Variants in SUN1 observed in about 807,000 individuals in gnomAD.
The protein encoded by SUN1 is Sad1 and UNC84 domain containing 1, also known as SUN domain-containing protein 1.
A neutral mutation model predicts 103.2 loss-of-function variants in SUN1; 61 were observed. The ratio of observed to expected loss-of-function variants is 0.59; its 90% CI spans 0.48 to 0.73. The LOEUF (loss-of-function observed/expected upper bound fraction) is 0.73. Ranked by LOEUF, SUN1 falls within the 30% of genes least tolerant of loss-of-function variation. The pLI is 0.00. For missense variants in SUN1, 1,052 were observed against 1,034.6 expected (o/e 1.02, Z -0.23); for synonymous variants, 490 against 425.7 (o/e 1.15, Z -1.86).
chr7:825,148 T>A (rs1388219359), intron 1 of SUN1, among the ~76,000 whole-genome samples: 2 of 151,902 alleles, frequency 1.3e-5, no homozygotes, highest in African/African-American at 4.8e-5. Flanking sequence ...AAGCTCCACC[T>A]CCCGGGTTCA....
In SUN1 at chr7:852,831, A is replaced by C. The variant is rs373407857; in HGVS notation, c.932A>C (p.Gln311Pro). The change falls in exon 9 of 19, where the codon CAG becomes CCG. Residue 311 changes from glutamine to proline, a missense_variant. By Grantham distance (76) the Gln-to-Pro change is moderately conservative (BLOSUM62 -1). Transcript: ENST00000401592. Reference protein sequence around the residue: ...LLLAGLSLRGQGNFFSFLPVL... With the variant: ...LLLAGLSLRGPGNFFSFLPVL... The stretch of plus-strand genomic sequence containing the variant: ...TTAGCAGGTCTCTCCTTACGGGGCC[A>C]GGGCAATTTCTTTTCGTTCTTGCCC... The C allele has an allele frequency of 6.2e-7, 1 of 1,613,552 alleles. No homozygotes were observed. The highest frequency in any genetic ancestry group is 1.3e-5 in the African/African-American group (1 of 75,034).
chr7:838,897 C>T lies in SUN1; in HGVS notation c.177C>T (p.Ala59=), dbSNP rs745467961. ...TGTCCCGCCGTAGTTTGCGCCTGGC[C>T]ACGACAGCATGCACCCTGGGGGATG... The part of the protein sequence containing the change: ...PRMSRRSLRL[A]TTACTLGDGE... The change falls in exon 2 of 19, where the codon GCC becomes GCT. Residue 59 remains alanine, a synonymous_variant. Transcript: ENST00000401592. 4 of 1,610,764 alleles carry T rather than the reference C, an allele frequency of 2.5e-6. No individual in the cohort carries two copies. Among genetic ancestry groups the T allele is most frequent in the Non-Finnish European group, 3.4e-6 (4 of 1,178,946 alleles).
At chr7:828,294 CAG>C (rs1584067526), upstream of SUN1, among the ~76,000 whole-genome samples, 5 of 151,396 alleles carry the variant, frequency 3.3e-5, no homozygotes, top group South Asian at 6.3e-4. Context: ...TTTTTTGAGA[CAG>C]AGTCTCACTC....
chr7:838,640 G>A lies in SUN1; in HGVS notation c.78-158G>A, dbSNP rs56350507. Among the ~76,000 whole-genome samples, 1,014 of 152,320 alleles carry A rather than the reference G, an allele frequency of 6.7e-3. 12 individuals carry two copies. Among genetic ancestry groups the A allele is most frequent in the Middle Eastern group, 0.037 (11 of 294 alleles). ...CAGGAGCCCATGCTGGCTGACCTGT[G>A]TGCCACCGTACGTTTGCTTTAGAGT... is the stretch of plus-strand genomic sequence containing the variant. On this transcript the variant is annotated intron_variant, in intron 1 of 18. Coordinates refer to ENST00000401592, the MANE Select transcript of SUN1 (RefSeq NM_001130965.3).
intron 1 of SUN1, among the ~76,000 whole-genome samples, chr7:825,465 G>T (rs535902811): frequency 6.6e-6 from 1 of 152,170 alleles, no homozygotes; most frequent in African/African-American, 2.4e-5. Flanking sequence ...CCATCCGCCC[G>T]AATTTACTCA....
chr7:817,234 A>T, intron 1 of SUN1: 1 of 626,684 alleles, frequency 1.6e-6, no homozygotes, highest in Non-Finnish European at 2.9e-6. Context: ...CGCTCGGATC[A>T]CAGGCGTGAG....
Position 860,363 on chromosome 7 carries a change from C to T in SUN1, c.1760C>T (p.Ala587Val), listed in dbSNP as rs114701323. The T allele has an allele frequency of 3.4e-4, 541 of 1,613,742 alleles. 3 individuals are homozygous for T. The African/African-American group carries it at 6.3e-3, about 19-fold the overall frequency. ...AVVSAVSEAG[A>V]SGITEAQARA... ...GTGTCTGCTGTGAGCGAGGCGGGGGCGTCTGGAATAACAGAGGCGGTGAGT... is the reference window on the plus strand; with the variant it reads ...GTGTCTGCTGTGAGCGAGGCGGGGGTGTCTGGAATAACAGAGGCGGTGAGT... Residue 587 changes from alanine to valine, a missense_variant, in exon 14 of 19, where the codon GCG becomes GTG. By Grantham distance (64) the Ala-to-Val change is moderately conservative (BLOSUM62 0). Coordinates refer to ENST00000401592, the MANE Select transcript of SUN1 (RefSeq NM_001130965.3).
intron 5 of SUN1, among the ~76,000 whole-genome samples, chr7:844,938 G>A (rs560241670): frequency 1.9e-4 from 29 of 152,318 alleles, no homozygotes; most frequent in African/African-American, 6.5e-4. Flanking sequence ...GAGCCGTGGC[G>A]TAGCTTAATC....
At chr7:847,120 C>T (rs987803680) in intron 5 of SUN1, among the ~76,000 whole-genome samples, 23 of 152,220 alleles carry the variant, frequency 1.5e-4, no homozygotes, top group African/African-American at 5.1e-4. Flanking sequence ...TTGGCAGTAT[C>T]TGAATGTCGT....
chr7:856,806 G>A (rs776374121), intron 12 of SUN1, among the ~76,000 whole-genome samples: 3 of 152,300 alleles, frequency 2.0e-5, no homozygotes, highest in Non-Finnish European at 4.4e-5. Flanking sequence ...CTAGGTGGGC[G>A]GGGTTACAGC....
chr7:861,568 C>T, intron 15 of SUN1, 104 bp downstream of exon 15: 1 of 1,110,622 alleles, frequency 9.0e-7, no homozygotes, highest in East Asian at 2.4e-5. Context: ...GTAAGGACTC[C>T]TAACTTTTAA....
intron 1 of SUN1, among the ~76,000 whole-genome samples, chr7:833,921 T>A (rs981222638): frequency 6.6e-6 from 1 of 152,234 alleles, no homozygotes; most frequent in Non-Finnish European, 1.5e-5. Flanking sequence ...ATAGAGTTTT[T>A]AAAATGCCTC....
chr7:855,076 C>A (rs566236418), intron 11 of SUN1, 70 bp downstream of exon 11: 81 of 1,216,450 alleles, frequency 6.7e-5, no homozygotes, highest in Non-Finnish European at 9.2e-5. Context: ...TTTTAAAGCC[C>A]TTTGGTCATT....
intron 12 of SUN1, 78 bp from the exon 13 acceptor site, chr7:857,750 C>T (rs1828818786): frequency 7.0e-7 from 1 of 1,435,962 alleles, no homozygotes; most frequent in Non-Finnish European, 9.2e-7. Flanking sequence ...GATCGGGTTC[C>T]CCTCAGCCTG....
intron 2 of SUN1, 128 bp downstream of exon 2, chr7:839,114 C>A: frequency 1.1e-6 from 1 of 922,900 alleles, no homozygotes; most frequent in Non-Finnish European, 1.5e-6. Flanking sequence ...TGTGCGTGTA[C>A]AGACACACAA....
At chr7:820,074 A>T (rs1375139496) in intron 1 of SUN1, among the ~76,000 whole-genome samples, 1 of 152,212 alleles carries the variant, frequency 6.6e-6, no homozygotes, top group Non-Finnish European at 1.5e-5. Flanking sequence ...GCAGTTCCAT[A>T]TGAATTTAAA....
intron 15 of SUN1, among the ~76,000 whole-genome samples, 172 bp downstream of exon 15, chr7:861,636 C>T (rs1562784223): frequency 6.6e-6 from 1 of 152,176 alleles, no homozygotes; most frequent in Admixed American, 6.5e-5. Flanking sequence ...TCTTCCTGGC[C>T]AGTTGTGTTT....
intron 14 of SUN1, 27 bp downstream of exon 14, chr7:860,409 A>G (rs754326812): frequency 1.2e-6 from 2 of 1,607,948 alleles, no homozygotes; most frequent in Non-Finnish European, 8.5e-7. Context: ...GCGGCAAGAG[A>G]TGCTTACAGT....
intron 5 of SUN1, among the ~76,000 whole-genome samples, chr7:847,214 C>T (rs1301734734): frequency 2.6e-5 from 4 of 152,114 alleles, no homozygotes; most frequent in African/African-American, 4.8e-5. Context: ...GCGGAGTTGG[C>T]GGCCTTCCCC....
Sources: allele counts gnomAD v4.1 joint callset (sites outside exome capture counted in the v4.1 genomes callset), GRCh38; gene constraint gnomAD v4.1.1; transcripts MANE v1.5; gene names NCBI Gene and HGNC (gene_info 2026-07-23, HGNC 2026-07-21).